ZNF559: variants seen among roughly 807,000 people sequenced by gnomAD.
ZNF559 encodes the protein putative protein product of Nbla00121.
A neutral mutation model predicts 14.2 loss-of-function variants in ZNF559; 17 were observed. The ratio of observed to expected loss-of-function variants is 1.20; its 90% confidence interval spans 0.82 to 1.80. ZNF559 has a LOEUF of 1.80. ZNF559 is among the 40% of genes most tolerant of loss of function. ZNF559 has a pLI of 0.00. For synonymous variants in ZNF559, 244 were observed against 212.4 expected, an observed-to-expected ratio of 1.15 and a Z score of -1.29; for missense variants, 740 against 629.7, an observed-to-expected ratio of 1.18 and a Z score of -1.88.
intron 4 of ZNF559, 52 bp from the exon 5 acceptor site, chr19:9,339,141 A>C (rs2067401750): frequency 1.2e-5 from 19 of 1,609,898 alleles, no homozygotes; most frequent in Middle Eastern, 3.3e-4. Context: ...TTCTCCAGTC[A>C]ACATAGTGGA....
intron 2 of ZNF559, among the ~76,000 whole-genome samples, chr19:9,329,106 CTT>C (rs1371353457): frequency 2.0e-5 from 3 of 152,002 alleles, no homozygotes; most frequent in African/African-American, 7.2e-5. Context: ...AAGTTTTAAA[CTT>C]TTCTTTATTA....
intron 2 of ZNF559, among the ~76,000 whole-genome samples, chr19:9,328,577 C>T (rs1015708758): frequency 6.6e-6 from 1 of 151,680 alleles, no homozygotes; most frequent in African/African-American, 2.4e-5. Context: ...GGTCTCAACT[C>T]CTGACCTCAG....
chr19:9,339,545 A>G (rs1027709186), intron 5 of ZNF559, among the ~76,000 whole-genome samples: 3 of 152,168 alleles, frequency 2.0e-5, no homozygotes, highest in African/African-American at 7.2e-5. Flanking sequence ...AGCTTCTTGA[A>G]TATGTGTATG....
At position 9,338,511 on chromosome 19, in the gene ZNF559, G is replaced by A; in HGVS notation, c.-39G>A. ...TTCTTAAGATCATCTTTCTCAAGAT[G>A]TTTTCTGTCTTCATGAGTCAAAATT... On this transcript the variant is annotated 5_prime_UTR_variant, in exon 4 of 7. An upstream start codon of the reference 5' UTR is lost. Transcript: ENST00000603380. 1 of 1,613,676 alleles carries A rather than the reference G, an allele frequency of 6.2e-7. No individual in the cohort carries two copies. The highest frequency in any genetic ancestry group is 8.5e-7 in the Non-Finnish European group (1 of 1,179,658).
rs912576541 is a variant in ZNF559 at position 9,324,890 on chromosome 19, T to C, written c.-120+110T>C. The C allele has an allele frequency of 1.1e-5, 10 of 882,470 alleles. No homozygotes were observed. The African/African-American group carries it at 1.7e-4, about 15-fold the overall frequency. 54.7% of individuals were successfully genotyped at this position (882,470 alleles called of 1,614,324 possible). A position where few individuals can be genotyped will look rare whatever the true frequency, so the allele number is the denominator to read the frequency against. ...GTGGTTGTTCGAGAGCACATGGATC[T>C]GATACCATCGAATGCATGAGTGGAT... On this transcript the variant is annotated intron_variant, in intron 2 of 6. Transcript: ENST00000603380.
chr19:9,324,252 G>A (rs544447479), intron 1 of ZNF559, 24 bp downstream of exon 1: 3 of 1,536,096 alleles, frequency 2.0e-6, no homozygotes, highest in Non-Finnish European at 2.6e-6. Flanking sequence ...TCTGGGCGGC[G>A]TTCGGTGGTG....
chr19:9,334,959 C>T (rs2067147460), intron 2 of ZNF559, among the ~76,000 whole-genome samples: 1 of 151,926 alleles, frequency 6.6e-6, no homozygotes, highest in African/African-American at 2.4e-5. Context: ...ATGGTGAAAC[C>T]CCTTCTCTAC....
rs150358404 is a variant in ZNF559, at chr19:9,342,484, C to T, written c.1033C>T (p.Arg345Ter). 2.8e-4 allele frequency: 453 copies of T among 1,613,802 alleles called. 1 individual carries two copies. In the African/African-American group the frequency reaches 3.3e-3, roughly 12 times the overall value. The change falls in exon 7 of 7, where the codon CGA becomes TGA. Residue 345 changes from arginine to a stop codon, truncating the protein, a stop_gained. Coordinates refer to ENST00000603380, the MANE Select transcript of ZNF559 (RefSeq NM_032497.3). LOFTEE classifies it low-confidence loss of function (END_TRUNC). ...TTCATCAGGTCTTATAAAACACAGG[C>T]GAACTCACACTGGAGAAAAGCCTTA... Reference protein sequence around the residue: ...TDSSGLIKHRRTHTGEKPYEC... With the variant: ...TDSSGLIKHR
rs181909435 is a variant in ZNF559 at position 9,324,330 on chromosome 19, C to T, written c.-206+102C>T. On this transcript the variant is annotated intron_variant, in intron 1 of 6. Transcript: ENST00000603380. ...GTGCCCAGTGAAATGGAGCCTGTCC[C>T]GTGCACTTTCGGGCATTTCGAGCAT... 116 of 1,526,620 alleles carry T rather than the reference C, an allele frequency of 7.6e-5. 1 individual carries two copies. The East Asian group carries it at 2.7e-3, about 35-fold the overall frequency. 94.6% of individuals were successfully genotyped at this position (1,526,620 alleles called of 1,614,324 possible).
At chr19:9,331,692 T>G (rs2066944509) in intron 2 of ZNF559, among the ~76,000 whole-genome samples, 1 of 152,212 alleles carries the variant, frequency 6.6e-6, no homozygotes. Context: ...CTGTTCTCAG[T>G]TTGTGCTCCT....
At chr19:9,324,359 G>C (rs1041945002) in intron 1 of ZNF559, 131 bp downstream of exon 1, 3 of 1,508,860 alleles carry the variant, frequency 2.0e-6, no homozygotes, top group African/African-American at 1.4e-5. Flanking sequence ...CGAGCATCTT[G>C]TGGGCTCTCC....
chr19:9,335,135 CAAAA>C (rs59300029), intron 2 of ZNF559, among the ~76,000 whole-genome samples: 9 of 124,588 alleles, frequency 7.2e-5, no homozygotes, highest in Non-Finnish European at 1.0e-4. Context: ...GACTCTGTCT[CAAAA>C]AAAAAAAAAA....
rs1216580371 is a variant in ZNF559, at chr19:9,324,733, C to A, written c.-167C>A. On this transcript the variant is annotated 5_prime_UTR_variant, in exon 2 of 7. Coordinates refer to ENST00000603380, the MANE Select transcript of ZNF559 (RefSeq NM_032497.3). ...GCCTTCCTGTTCACGGTGACCTTCG[C>A]TTGGTGTCCTCCTGGCCTCAGCAAC... 5.2e-6 allele frequency: 8 copies of A among 1,535,490 alleles called. No individual in the cohort carries two copies. The highest frequency in any genetic ancestry group is 5.2e-6 in the Non-Finnish European group (6 of 1,146,726).
intron 2 of ZNF559, among the ~76,000 whole-genome samples, chr19:9,326,139 AGTCT>A (rs1193068234): frequency 1.0e-5 from 1 of 97,088 alleles, no homozygotes; most frequent in Non-Finnish European, 1.9e-5. Context: ...TTTGAGACGG[AGTCT>A]GTCTGTCCCA....
chr19:9,339,861 C>T (rs879536075), intron 5 of ZNF559, among the ~76,000 whole-genome samples: 13 of 150,856 alleles, frequency 8.6e-5, no homozygotes, highest in Non-Finnish European at 1.2e-4. Context: ...CTCCGCCTCC[C>T]GGGTTCACAC....
At position 9,339,335 on chromosome 19, in the gene ZNF559, T is replaced by C. The variant is rs1223865669; in HGVS notation, c.160+16T>C. ...GTTGCAGTAGGTAAGGCTGGTACCATTCTTTTCATTTAGTTTTTTTCTGGA... is the reference window on the plus strand; with the variant it reads ...GTTGCAGTAGGTAAGGCTGGTACCACTCTTTTCATTTAGTTTTTTTCTGGA... On this transcript the variant is annotated intron_variant, in intron 5 of 6. Transcript: ENST00000603380. 6.3e-7 allele frequency: 1 copy of C among 1,585,140 alleles called. No individual in the cohort carries two copies. Among genetic ancestry groups the C allele is most frequent in the Non-Finnish European group, 8.6e-7 (1 of 1,164,962 alleles).
intron 2 of ZNF559, among the ~76,000 whole-genome samples, chr19:9,328,755 A>G (rs1395349325): frequency 6.6e-6 from 1 of 152,176 alleles, no homozygotes; most frequent in Non-Finnish European, 1.5e-5. Flanking sequence ...GGTGCAAACA[A>G]CACGGTGTCG....
chr19:9,336,989 G>A (rs1285664775), intron 2 of ZNF559, among the ~76,000 whole-genome samples: 1 of 152,122 alleles, frequency 6.6e-6, no homozygotes, highest in Non-Finnish European at 1.5e-5. Flanking sequence ...ATCTGCAAAG[G>A]GAAAAGATGA....
Position 9,341,962 on chromosome 19 carries a change from C to T in ZNF559, c.511C>T (p.Leu171=). The T allele has an allele frequency of 6.2e-7, 1 of 1,613,782 alleles. No individual in the cohort carries two copies. Among genetic ancestry groups the T allele is most frequent in the South Asian group, 1.1e-5 (1 of 90,972 alleles). Residue 171 remains leucine (L), a synonymous_variant, in exon 7 of 7, where the codon CTA becomes TTA. Transcript: ENST00000603380. ...HLVCKKTSQN[L]HLVCKKTHTQ... Reference sequence around the variant, plus strand: ...TGTTTGCAAGAAAACTAGCCAAAATCTACATCTTGTTTGCAAGAAAACTCA... The same window carrying T: ...TGTTTGCAAGAAAACTAGCCAAAATTTACATCTTGTTTGCAAGAAAACTCA...
Sources: gnomAD v4.1 joint callset for allele counts (sites outside exome capture counted in the v4.1 genomes callset) on GRCh38, gnomAD v4.1.1 for gene constraint, MANE v1.5 for transcripts, NCBI Gene and HGNC (gene_info 2026-07-23, HGNC 2026-07-21) for gene names.